CAMK1D: variants seen among roughly 807,000 people sequenced by gnomAD.
CAMK1D encodes calcium/calmodulin-dependent protein kinase type 1D.
In CAMK1D, 9 loss-of-function variants were observed where a neutral mutation model predicts 47.7. The ratio of observed to expected loss-of-function variants is 0.19; its 90% CI spans 0.11 to 0.33. The LOEUF is 0.33. CAMK1D is among the 10% of genes least tolerant of loss of function. CAMK1D has a pLI of 1.00. For synonymous variants in CAMK1D, 184 were observed against 184.9 expected, an observed-to-expected ratio of 0.99 and a Z score of 0.04; for missense variants, 291 against 488.7, an observed-to-expected ratio of 0.60 and a Z score of 3.81.
chr10:12,352,292 C>A (rs186513803), intron 1 of CAMK1D, among the ~76,000 whole-genome samples: 1 of 152,130 alleles, frequency 6.6e-6, no homozygotes, highest in African/African-American at 2.4e-5. Flanking sequence ...GTATTTGGAA[C>A]GCGAACTTTA....
At chr10:12,382,686 G>T (rs181620151) in intron 1 of CAMK1D, among the ~76,000 whole-genome samples, 1 of 152,042 alleles carries the variant, frequency 6.6e-6, no homozygotes, top group Non-Finnish European at 1.5e-5. Flanking sequence ...TTAGCTGGGC[G>T]TGGTGGCGGA....
Position 12,824,462 on chromosome 10 carries a change from C to T in CAMK1D, c.834-3C>T. 6.2e-7 allele frequency: 1 copy of T among 1,613,856 alleles called. No homozygotes were observed. The highest frequency in any genetic ancestry group is 8.5e-7 in the Non-Finnish European group (1 of 1,179,774). ...CAGAGCAGCACCTTTGCCTCTGTTTCAGGATCGCTGGTGACACAGCCCTCA... is the reference window on the plus strand; with the variant it reads ...CAGAGCAGCACCTTTGCCTCTGTTTTAGGATCGCTGGTGACACAGCCCTCA... On this transcript the variant is annotated splice_polypyrimidine_tract_variant and splice_region_variant and intron_variant, in intron 8 of 10. Transcript: ENST00000619168.
intron 4 of CAMK1D, among the ~76,000 whole-genome samples, chr10:12,766,432 G>A (rs1836769330): frequency 6.9e-6 from 1 of 144,460 alleles, no homozygotes; most frequent in South Asian, 2.2e-4. Flanking sequence ...GCGTACACGT[G>A]GCTGACAAAG....
At chr10:12,731,675 G>A (rs191106393) in intron 3 of CAMK1D, among the ~76,000 whole-genome samples, 1 of 152,314 alleles carries the variant, frequency 6.6e-6, no homozygotes, top group African/African-American at 2.4e-5. Context: ...GGGAGCAAGA[G>A]GGAGCAAGAG....
intron 3 of CAMK1D, among the ~76,000 whole-genome samples, chr10:12,693,361 T>C (rs1833008303): frequency 6.6e-6 from 1 of 151,834 alleles, no homozygotes; most frequent in South Asian, 2.1e-4. Context: ...CGAGACTCCA[T>C]CTCTAAAAAA....
chr10:12,721,511 ACCATCCATCCATCCAT>A (rs62870361), intron 3 of CAMK1D, among the ~76,000 whole-genome samples: 8 of 150,644 alleles, frequency 5.3e-5, no homozygotes, highest in Non-Finnish European at 1.0e-4. Flanking sequence ...GCTACCATCC[ACCATCCATCCATCCAT>A]CCATCCATCC....
chr10:12,817,830 A>G (rs568118609), intron 8 of CAMK1D, among the ~76,000 whole-genome samples: 5 of 152,238 alleles, frequency 3.3e-5, no homozygotes, highest in South Asian at 4.1e-4. Flanking sequence ...AGCTGTGATT[A>G]ACAGGCACCA....
rs7894736 is a variant in CAMK1D at position 12,744,920 on chromosome 10, C to G, written c.300-16028C>G. Among the ~76,000 whole-genome samples the G allele has an allele frequency of 7.3e-3, 1,110 of 152,212 alleles. 20 individuals are homozygous for G. Among genetic ancestry groups the G allele is most frequent in the African/African-American group, 0.025 (1,050 of 41,544 alleles). ...TGTCTCTAAAAATAACAAAACAAGT[C>G]AGATTCTTGCTTGAGGCTCTCAGTT... On this transcript the variant is annotated intron_variant, in intron 3 of 10. Coordinates refer to ENST00000619168, the MANE Select transcript of CAMK1D (RefSeq NM_153498.4).
chr10:12,783,507 C>T (rs948248208), intron 5 of CAMK1D, among the ~76,000 whole-genome samples: 1 of 152,188 alleles, frequency 6.6e-6, no homozygotes, highest in East Asian at 1.9e-4. Flanking sequence ...CCTCCACCCT[C>T]TCAGCAGAAA....
intron 2 of CAMK1D, among the ~76,000 whole-genome samples, chr10:12,645,976 T>C (rs577919312): frequency 6.6e-6 from 1 of 152,090 alleles, no homozygotes; most frequent in Non-Finnish European, 1.5e-5. Context: ...AGTTGTTTTT[T>C]TTTTTTTTTT....
chr10:12,518,500 T>A (rs149800242), intron 1 of CAMK1D, among the ~76,000 whole-genome samples: 1,150 of 103,594 alleles, frequency 0.011, 303 homozygotes, highest in East Asian at 0.057. Context: ...TTTTATTTTT[T>A]TTTTTTATTG....
chr10:12,474,359 T>A (rs1235915738), intron 1 of CAMK1D, among the ~76,000 whole-genome samples: 2 of 151,956 alleles, frequency 1.3e-5, no homozygotes, highest in African/African-American at 4.8e-5. Context: ...GCCTGCCTAA[T>A]TTTTTATGTA....
At chr10:12,740,691 ACACAAATAGCTGAGCCGAGGCAGTTCAAG>A (rs1835389636) in intron 3 of CAMK1D, among the ~76,000 whole-genome samples, 1 of 152,236 alleles carries the variant, frequency 6.6e-6, no homozygotes, top group Admixed American at 6.5e-5. Context: ...TTTGAACAAG[ACACAAATAGCTGAGCCGAGGCAGTTCAAG>A]ATTTTGGGAG....
At chr10:12,515,776 A>AT (rs981999599) in intron 1 of CAMK1D, among the ~76,000 whole-genome samples, 5 of 151,012 alleles carry the variant, frequency 3.3e-5, no homozygotes, top group African/African-American at 1.2e-4. Context: ...CACCCGGCTA[A>AT]TTTTTTTTGT....
At chr10:12,820,841 G>A (rs1194456602) in intron 8 of CAMK1D, among the ~76,000 whole-genome samples, 1 of 152,198 alleles carries the variant, frequency 6.6e-6, no homozygotes, top group Non-Finnish European at 1.5e-5. Flanking sequence ...GGTCCCAACA[G>A]GCTGCCGACT....
At chr10:12,542,186 T>A (rs1317420563) in intron 1 of CAMK1D, among the ~76,000 whole-genome samples, 2 of 152,106 alleles carry the variant, frequency 1.3e-5, no homozygotes, top group Non-Finnish European at 2.9e-5. Context: ...AGCTTTTCAG[T>A]GTTTTAAAAC....
intron 1 of CAMK1D, among the ~76,000 whole-genome samples, chr10:12,548,014 G>A (rs369780078): frequency 3.9e-5 from 6 of 152,172 alleles, no homozygotes; most frequent in African/African-American, 1.4e-4. Flanking sequence ...GTCACCTGCG[G>A]TGCTTGCCAC....
At chr10:12,584,014 C>A (rs1418290791) in intron 2 of CAMK1D, among the ~76,000 whole-genome samples, 2 of 152,104 alleles carry the variant, frequency 1.3e-5, no homozygotes, top group East Asian at 3.9e-4. Context: ...TTTTATGTGT[C>A]TTCAGTGTAA....
intron 3 of CAMK1D, among the ~76,000 whole-genome samples, chr10:12,672,339 T>C (rs2132574130): frequency 6.6e-6 from 1 of 152,206 alleles, no homozygotes; most frequent in African/African-American, 2.4e-5. Context: ...ATGCAAATAA[T>C]GTTTTCCTCT....
Sources: gnomAD v4.1 joint callset for allele counts (sites outside exome capture counted in the v4.1 genomes callset) on GRCh38, gnomAD v4.1.1 for gene constraint, MANE v1.5 for transcripts, NCBI Gene and HGNC (gene_info 2026-07-23, HGNC 2026-07-21) for gene names.